The following ADAMTSL1 variants were observed in gnomAD, a reference collection of about 807,000 sequenced individuals.
The protein encoded by ADAMTSL1 is ADAMTS-like protein 1.
A neutral mutation model predicts 201.8 loss-of-function variants in ADAMTSL1; 126 were observed. That is an observed-to-expected ratio of 0.62 (90% CI 0.54 to 0.72). The LOEUF is 0.72. ADAMTSL1 is among the 30% of genes least tolerant of loss of function. ADAMTSL1 has a pLI of 0.00. For missense variants in ADAMTSL1, 2,679 were observed against 2,277.8 expected, an observed-to-expected ratio of 1.18 and a Z score of -3.59; for synonymous variants, 1,121 against 903.4, an observed-to-expected ratio of 1.24 and a Z score of -4.32.
intron 2 of ADAMTSL1, among the ~76,000 whole-genome samples, chr9:18,182,723 T>C (rs1411927666): frequency 6.6e-6 from 1 of 152,212 alleles, no homozygotes; most frequent in East Asian, 1.9e-4. Flanking sequence ...TCAGATCATA[T>C]CAGAAATAAT....
chr9:18,565,108 C>G (rs1053681154), intron 3 of ADAMTSL1, among the ~76,000 whole-genome samples: 6 of 152,156 alleles, frequency 3.9e-5, no homozygotes, highest in African/African-American at 9.7e-5. Flanking sequence ...TTTCAGATAA[C>G]AAGCTATAAT....
At chr9:18,135,283 C>G (rs1375984170) in intron 1 of ADAMTSL1, among the ~76,000 whole-genome samples, 1 of 152,068 alleles carries the variant, frequency 6.6e-6, no homozygotes, top group African/African-American at 2.4e-5. Context: ...GCATTCATAT[C>G]AAGTTTTCAA....
intron 7 of ADAMTSL1, among the ~76,000 whole-genome samples, chr9:18,644,718 C>T (rs1232700126): frequency 6.6e-6 from 1 of 151,966 alleles, no homozygotes; most frequent in Non-Finnish European, 1.5e-5. Flanking sequence ...GACATGAACT[C>T]ATCATTTTTT....
chr9:18,114,359 T>G (rs902916083), intron 1 of ADAMTSL1, among the ~76,000 whole-genome samples: 6 of 152,168 alleles, frequency 3.9e-5, no homozygotes, highest in Admixed American at 2.6e-4. Context: ...AAAATGAGTT[T>G]GACCTGACGA....
chr9:18,853,887 C>CTGTG (rs529993480), intron 23 of ADAMTSL1, among the ~76,000 whole-genome samples: 6,296 of 80,720 alleles, frequency 0.078, 439 homozygotes, highest in African/African-American at 0.2. Flanking sequence ...TGTATTCACT[C>CTGTG]TCTGTGTGTG....
intron 1 of ADAMTSL1, among the ~76,000 whole-genome samples, chr9:18,128,982 T>G (rs959043758): frequency 1.3e-5 from 2 of 152,220 alleles, no homozygotes; most frequent in East Asian, 3.9e-4. Context: ...CTATAAAGTC[T>G]TCTATAAAAC....
At chr9:18,558,514 G>T (rs947275012) in intron 3 of ADAMTSL1, among the ~76,000 whole-genome samples, 3 of 152,076 alleles carry the variant, frequency 2.0e-5, no homozygotes, top group Admixed American at 6.5e-5. Flanking sequence ...TAATCCTTTG[G>T]GTATATACCA....
chr9:18,476,035 A>G (rs1200367503), intron 1 of ADAMTSL1, among the ~76,000 whole-genome samples: 4 of 152,146 alleles, frequency 2.6e-5, no homozygotes, highest in Non-Finnish European at 5.9e-5. Context: ...TATCATATTT[A>G]AATTACAATA....
At chr9:18,393,442 A>G (rs1838134368) in intron 2 of ADAMTSL1, among the ~76,000 whole-genome samples, 1 of 152,192 alleles carries the variant, frequency 6.6e-6, no homozygotes, top group African/African-American at 2.4e-5. Flanking sequence ...AGAGTTCCAC[A>G]TACTGGGAAA....
chr9:18,042,025 A>T (rs1245675710), intron 1 of ADAMTSL1, among the ~76,000 whole-genome samples: 1 of 151,500 alleles, frequency 6.6e-6, no homozygotes, highest in Non-Finnish European at 1.5e-5. Flanking sequence ...GATGCCTTTG[A>T]TCAAATTACT....
At position 18,889,041 on chromosome 9, in the gene ADAMTSL1, TG is replaced by T. The variant is rs796874173; in HGVS notation, c.4463-525del. On this transcript the variant is annotated intron_variant, in intron 24 of 28. Coordinates refer to ENST00000380548, the MANE Select transcript of ADAMTSL1 (RefSeq NM_001040272.6). ...GTGAGTCCCAGACCCCCAAAGCAAC[TG>T]GCTTTCTTACTGACATCATTGTCTC... Among the ~76,000 whole-genome samples the T allele has an allele frequency of 3.3e-5, 5 of 152,334 alleles. No homozygotes were observed. In the South Asian group the frequency reaches 8.3e-4, roughly 25 times the overall value.
rs570020176 is a variant in ADAMTSL1, at chr9:18,349,364, G to A, written c.208-155465G>A. Among the ~76,000 whole-genome samples the A allele has an allele frequency of 2.8e-4, 42 of 152,284 alleles. 1 individual carries two copies. Among genetic ancestry groups the A allele is most frequent in the South Asian group, 1.2e-3 (6 of 4,830 alleles). On this transcript the variant is annotated intron_variant, in intron 2 of 29. Coordinates refer to the ADAMTSL1 transcript ENST00000680146. Reference sequence around the variant, plus strand: ...GACTCCCCAGAACACGTAGGTAGCTGTGTAGCTCTTAAGGAAGTTCAGGTG... The same window carrying A: ...GACTCCCCAGAACACGTAGGTAGCTATGTAGCTCTTAAGGAAGTTCAGGTG...
intron 26 of ADAMTSL1, 46 bp from the exon 27 acceptor site, chr9:18,905,736 C>G: frequency 6.5e-7 from 1 of 1,528,978 alleles, no homozygotes; most frequent in Non-Finnish European, 9.0e-7. Flanking sequence ...GGCCTCCACC[C>G]TTGACTTGGC....
intron 2 of ADAMTSL1, among the ~76,000 whole-genome samples, chr9:18,290,362 G>A (rs945007776): frequency 6.6e-6 from 1 of 151,848 alleles, no homozygotes; most frequent in African/African-American, 2.4e-5. Flanking sequence ...GGGACAGTGA[G>A]GAGACGTGTA....
chr9:18,287,602 T>C (rs1474400925), intron 2 of ADAMTSL1, among the ~76,000 whole-genome samples: 1 of 135,912 alleles, frequency 7.4e-6, no homozygotes, highest in Non-Finnish European at 1.6e-5. Flanking sequence ...TACACACATA[T>C]ATGCATATAT....
intron 5 of ADAMTSL1, among the ~76,000 whole-genome samples, chr9:18,632,841 A>G (rs1013279325): frequency 2.0e-5 from 3 of 152,046 alleles, no homozygotes; most frequent in African/African-American, 7.2e-5. Flanking sequence ...GACTTGCTTC[A>G]TTTCTCTTTG....
intron 2 of ADAMTSL1, among the ~76,000 whole-genome samples, chr9:18,364,694 A>G (rs979629712): frequency 6.6e-6 from 1 of 152,140 alleles, no homozygotes; most frequent in African/African-American, 2.4e-5. Context: ...TAAAGAAAAG[A>G]GGTTTAATTG....
intron 2 of ADAMTSL1, among the ~76,000 whole-genome samples, chr9:18,230,196 A>G (rs1225564405): frequency 2.0e-5 from 3 of 152,174 alleles, no homozygotes; most frequent in African/African-American, 7.2e-5. Context: ...TGTAGATGCT[A>G]TCCATACCCC....
rs368647973 is a variant in ADAMTSL1, at chr9:18,534,406, G to A, written c.237+1114G>A. Among the ~76,000 whole-genome samples, 5 of 152,130 alleles carry A rather than the reference G, an allele frequency of 3.3e-5. No individual in the cohort carries two copies. The East Asian group carries it at 9.7e-4, about 30-fold the overall frequency. ...AGAAGGAGGAGAACTTAAACCCAGA[G>A]GAAATACTAAATAGACACAAGAGAG... On this transcript the variant is annotated intron_variant, in intron 3 of 28. Transcript: ENST00000380548.
Sources: allele counts gnomAD v4.1 joint callset (sites outside exome capture counted in the v4.1 genomes callset), GRCh38; gene constraint gnomAD v4.1.1; transcripts MANE v1.5; gene names NCBI Gene and HGNC (gene_info 2026-07-23, HGNC 2026-07-21).